The following NCEH1 variants were observed in gnomAD, a reference collection of about 807,000 sequenced individuals.
NCEH1 encodes neutral cholesterol ester hydrolase 1.
NCEH1 carries 9 observed loss-of-function variants against 25.4 expected under a neutral mutation model. That is an observed-to-expected ratio of 0.35 (90% confidence interval 0.21 to 0.62). The LOEUF (loss-of-function observed/expected upper bound fraction) is 0.62, where lower values mean the gene tolerates loss of function less well. Among genes scored for constraint, NCEH1 ranks in the 20% least tolerant of loss-of-function variants. The pLI, the probability that NCEH1 is intolerant of heterozygous loss-of-function variation, is 0.72. For synonymous variants in NCEH1, 200 were observed against 199.8 expected (o/e 1.00, Z -0.01); for missense variants, 412 against 501.1 (o/e 0.82, Z 1.70).
chr3:172,649,557 C>T (rs1717297508), intron 1 of NCEH1, among the ~76,000 whole-genome samples: 1 of 152,194 alleles, frequency 6.6e-6, no homozygotes, highest in South Asian at 2.1e-4. Flanking sequence ...TATGTGTTCA[C>T]ACATGTACTG....
intron 1 of NCEH1, among the ~76,000 whole-genome samples, chr3:172,689,390 C>T (rs1157418679): frequency 6.6e-6 from 1 of 151,062 alleles, no homozygotes; most frequent in Non-Finnish European, 1.5e-5. Context: ...TCCCAAGTAG[C>T]TGGGACTACA....
intron 1 of NCEH1, among the ~76,000 whole-genome samples, chr3:172,684,602 C>A (rs1409716071): frequency 1.3e-5 from 2 of 152,156 alleles, no homozygotes; most frequent in East Asian, 3.8e-4. Flanking sequence ...AGGAGCCAAT[C>A]GAAAGGACAC....
chr3:172,655,429 A>G (rs1014221806), intron 1 of NCEH1, among the ~76,000 whole-genome samples: 4 of 152,144 alleles, frequency 2.6e-5, no homozygotes, highest in African/African-American at 4.8e-5. Context: ...ATGCTAAGTT[A>G]TTTATGTGTA....
chr3:172,657,162 T>C (rs1390127587), intron 1 of NCEH1, among the ~76,000 whole-genome samples: 1 of 152,220 alleles, frequency 6.6e-6, no homozygotes, highest in South Asian at 2.1e-4. Flanking sequence ...AGCAAGCCAA[T>C]GTACTATCAT....
At position 172,646,816 on chromosome 3, in the gene NCEH1, G is replaced by A. The variant is rs151252033; in HGVS notation, c.367+1070C>T. Among the ~76,000 whole-genome samples the A allele has an allele frequency of 3.7e-3, 560 of 152,214 alleles. 4 individuals are homozygous for A. The highest frequency in any genetic ancestry group is 0.013 in the African/African-American group (543 of 41,540). On this transcript the variant is annotated intron_variant, in intron 2 of 4. Coordinates refer to ENST00000475381, the MANE Select transcript of NCEH1 (RefSeq NM_020792.6). ...CAGTACAATGTTTTTCCTGGCAAGCGTCCAATGCTACAGATTCAATCTCTT... is the reference window on the plus strand; with the variant it reads ...CAGTACAATGTTTTTCCTGGCAAGCATCCAATGCTACAGATTCAATCTCTT...
intron 2 of NCEH1, among the ~76,000 whole-genome samples, chr3:172,647,144 A>G (rs1284419891): frequency 6.6e-6 from 1 of 152,246 alleles, no homozygotes; most frequent in Non-Finnish European, 1.5e-5. Context: ...TAAAATAAAA[A>G]AAACAAGTTG....
At chr3:172,689,439 G>C (rs1712900015) in intron 1 of NCEH1, among the ~76,000 whole-genome samples, 1 of 151,278 alleles carries the variant, frequency 6.6e-6, no homozygotes, top group African/African-American at 2.4e-5. Context: ...TAGAGACAGG[G>C]TTTTACCATA....
At chr3:172,639,331 T>C (rs1716745265) in intron 3 of NCEH1, among the ~76,000 whole-genome samples, 1 of 150,470 alleles carries the variant, frequency 6.6e-6, no homozygotes, top group Non-Finnish European at 1.5e-5. Context: ...CTTTGTAGAC[T>C]GAAGAATATC....
intron 1 of NCEH1, among the ~76,000 whole-genome samples, chr3:172,662,299 T>C (rs1718006988): frequency 1.3e-5 from 2 of 152,244 alleles, no homozygotes; most frequent in Admixed American, 1.3e-4. Flanking sequence ...GAACCAACCT[T>C]GCACCCCAGG....
intron 1 of NCEH1, among the ~76,000 whole-genome samples, chr3:172,678,218 T>G (rs986863364): frequency 1.1e-4 from 16 of 152,214 alleles, no homozygotes; most frequent in Admixed American, 9.2e-4. Context: ...TTTGCCTACA[T>G]AAACAGTGTC....
intron 1 of NCEH1, among the ~76,000 whole-genome samples, chr3:172,703,384 C>T (rs1168704361): frequency 1.3e-5 from 2 of 151,862 alleles, no homozygotes; most frequent in East Asian, 3.9e-4. Context: ...AAAAATTAGC[C>T]GGGCATCATG....
At chr3:172,691,380 C>G (rs1713027883) in intron 1 of NCEH1, among the ~76,000 whole-genome samples, 1 of 19,480 alleles carries the variant, frequency 5.1e-5, no homozygotes, top group Non-Finnish European at 8.7e-5. Context: ...CATTTTTGTT[C>G]CCCTAGGTTT....
intron 3 of NCEH1, among the ~76,000 whole-genome samples, chr3:172,640,506 T>C (rs1276527502): frequency 6.6e-6 from 1 of 151,284 alleles, no homozygotes; most frequent in Non-Finnish European, 1.5e-5. Flanking sequence ...ATTTATTTAT[T>C]TTATTTATTT....
chr3:172,680,191 T>C (rs1342641471), intron 1 of NCEH1, among the ~76,000 whole-genome samples: 2 of 152,190 alleles, frequency 1.3e-5, no homozygotes. Context: ...AAATAGACTC[T>C]CATTAGGCAG....
At position 172,641,242 on chromosome 3, in the gene NCEH1, C is replaced by G. The variant is rs561272132; in HGVS notation, c.437+4381G>C. Among the ~76,000 whole-genome samples, 6 of 122,114 alleles carry G rather than the reference C, an allele frequency of 4.9e-5. No homozygotes were observed. The East Asian group carries it at 1.1e-3, about 23-fold the overall frequency. The allele number at this position is 122,114 out of a possible 152,430, so 80.1% of individuals were successfully genotyped here. A position where few individuals can be genotyped will look rare whatever the true frequency, so the allele number is the denominator to read the frequency against. On this transcript the variant is annotated intron_variant, in intron 3 of 4. Coordinates refer to ENST00000475381, the MANE Select transcript of NCEH1 (RefSeq NM_020792.6). ...TACATCTGCAAATCTTAGATAAACA[C>G]TGTAATGTATTTAACAAATACTTAT...
intron 1 of NCEH1, among the ~76,000 whole-genome samples, chr3:172,654,251 A>G (rs1419165393): frequency 6.6e-6 from 1 of 152,228 alleles, no homozygotes; most frequent in African/African-American, 2.4e-5. Context: ...GCCCCTGGGC[A>G]AATGACCAAA....
At chr3:172,691,015 T>C (rs1264644942) in intron 1 of NCEH1, among the ~76,000 whole-genome samples, 2 of 152,036 alleles carry the variant, frequency 1.3e-5, no homozygotes, top group Non-Finnish European at 2.9e-5. Context: ...CATTGTCTAC[T>C]CCCTGACATC....
At chr3:172,636,772 C>T (rs1378637334) in intron 3 of NCEH1, among the ~76,000 whole-genome samples, 1 of 152,234 alleles carries the variant, frequency 6.6e-6, no homozygotes, top group Admixed American at 6.5e-5. Context: ...GAATCCTACT[C>T]TGTACACCTA....
intron 1 of NCEH1, among the ~76,000 whole-genome samples, chr3:172,674,551 T>C (rs181598342): frequency 6.8e-4 from 101 of 148,952 alleles, no homozygotes; most frequent in African/African-American, 2.5e-3. Flanking sequence ...CAAAATTTGC[T>C]ACCAAATAGT....
Sources: allele counts gnomAD v4.1 joint callset (sites outside exome capture counted in the v4.1 genomes callset), GRCh38; gene constraint gnomAD v4.1.1; transcripts MANE v1.5; gene names NCBI Gene and HGNC (gene_info 2026-07-23, HGNC 2026-07-21).